Variants in RESF1 observed in about 807,000 individuals in gnomAD.
RESF1 encodes the protein gonad expressed transcript.
In RESF1, 65 loss-of-function variants were observed where a neutral mutation model predicts 134.7. The observed-to-expected ratio is 0.48, with a 90% CI of 0.40 to 0.59. The LOEUF is 0.59. Ranked by LOEUF, RESF1 falls within the 20% of genes least tolerant of loss-of-function variation. The pLI, the probability that RESF1 is intolerant of heterozygous loss-of-function variation, is 0.00. For synonymous variants in RESF1, 762 were observed against 702.2 expected, an observed-to-expected ratio of 1.09 and a Z score of -1.35; for missense variants, 2,274 against 2,002.7, an observed-to-expected ratio of 1.14 and a Z score of -2.59.
At chr12:31,964,831 C>G (rs1283549189) in intron 2 of RESF1, among the ~76,000 whole-genome samples, 1 of 152,186 alleles carries the variant, frequency 6.6e-6, no homozygotes, top group Non-Finnish European at 1.5e-5. Flanking sequence ...TTAAGATATC[C>G]TGGATTCTGA....
In RESF1 at chr12:31,985,251, C is replaced by T. The variant is rs1939938668; in HGVS notation, c.4296C>T (p.Asp1432=). Residue 1432 remains aspartate (D), a synonymous_variant, in exon 4 of 6, where the codon GAC becomes GAT. Transcript: ENST00000312561. ...TGGTATCAAATACTAAGTCTGTAGA[C>T]ACGAAAGCGAGTTCATCTAAATTTA... The part of the protein sequence containing the change: ...EKMVSNTKSV[D]TKASSSKFSR... 6.2e-7 allele frequency: 1 copy of T among 1,610,120 alleles called. No individual in the cohort carries two copies. Among genetic ancestry groups the T allele is most frequent in the South Asian group, 1.1e-5 (1 of 89,898 alleles).
intron 3 of RESF1, among the ~76,000 whole-genome samples, chr12:31,974,526 G>T (rs997559687): frequency 2.0e-5 from 3 of 151,914 alleles, no homozygotes; most frequent in African/African-American, 7.3e-5. Flanking sequence ...TCCTAACGTG[G>T]TCCTTCCTCT....
rs1041163840 is a variant in RESF1, at chr12:31,983,504, T to C, written c.2549T>C (p.Val850Ala). 6.2e-7 allele frequency: 1 copy of C among 1,614,046 alleles called. No homozygotes were observed. The highest frequency in any genetic ancestry group is 1.3e-5 in the African/African-American group (1 of 75,044). ...QNESTNGNSEVTPNVNQGKHN... is the reference protein window; with the variant it reads ...QNESTNGNSEATPNVNQGKHN... ...GAGTCAACTAATGGTAATTCAGAAG[T>C]CACACCTAATGTCAATCAAGGAAAG... Residue 850 changes from valine (V) to alanine (A), a missense_variant, in exon 4 of 6, where the codon GTC becomes GCC. By Grantham distance (64) the Val-to-Ala change is moderately conservative. Coordinates refer to ENST00000312561, the MANE Select transcript of RESF1 (RefSeq NM_018169.4).
chr12:31,967,428 C>T (rs1356795989), intron 2 of RESF1, among the ~76,000 whole-genome samples: 4 of 152,138 alleles, frequency 2.6e-5, no homozygotes, highest in Non-Finnish European at 5.9e-5. Context: ...TACAGATGTA[C>T]CTCAGCTTAC....
At chr12:31,962,229 A>AG (rs961084934) in intron 2 of RESF1, among the ~76,000 whole-genome samples, 4 of 151,956 alleles carry the variant, frequency 2.6e-5, no homozygotes, top group Non-Finnish European at 5.9e-5. Flanking sequence ...TTAAAAAAAA[A>AG]AAAAAAAAAG....
intron 3 of RESF1, among the ~76,000 whole-genome samples, chr12:31,975,214 C>CCAA: frequency 6.6e-6 from 1 of 151,800 alleles, no homozygotes. Flanking sequence ...GTGGAGGTTG[C>CCAA]AGATCGTGCC....
At chr12:31,991,898 G>A (rs1038125489) in intron 5 of RESF1, among the ~76,000 whole-genome samples, 5 of 152,168 alleles carry the variant, frequency 3.3e-5, no homozygotes, top group Non-Finnish European at 7.3e-5. Flanking sequence ...GGACACTGAA[G>A]CTAATGTAAC....
intron 2 of RESF1, among the ~76,000 whole-genome samples, chr12:31,964,346 A>G (rs1480634956): frequency 6.6e-6 from 1 of 151,568 alleles, no homozygotes; most frequent in Non-Finnish European, 1.5e-5. Flanking sequence ...CTACATGTCC[A>G]TGTGTTCTCA....
chr12:31,988,831 A>G (rs1450580984), intron 5 of RESF1, among the ~76,000 whole-genome samples: 1 of 151,906 alleles, frequency 6.6e-6, no homozygotes, highest in Admixed American at 6.6e-5. Context: ...AGCTGGGACT[A>G]CAAGCACACT....
In RESF1 at chr12:31,992,367, A is replaced by G. The variant is rs1217695228; in HGVS notation, c.5087-11A>G. ...GAGAAATAAAGTAAGTAAAGTTTTT[A>G]TTTCCCTTAGATAATGTTAATTCAA... On this transcript the variant is annotated splice_polypyrimidine_tract_variant and intron_variant, in intron 5 of 5. Transcript: ENST00000312561. The G allele has an allele frequency of 8.8e-6, 14 of 1,595,548 alleles. No homozygotes were observed. Among genetic ancestry groups the G allele is most frequent in the East Asian group, 2.2e-5 (1 of 44,734 alleles).
intron 2 of RESF1, among the ~76,000 whole-genome samples, chr12:31,967,081 G>T (rs998505275): frequency 2.0e-5 from 3 of 152,174 alleles, no homozygotes; most frequent in African/African-American, 7.2e-5. Flanking sequence ...GGTTTCAATT[G>T]TGCATAGGAC....
rs771222097 is a variant in RESF1, at chr12:31,981,509, G to A, written c.554G>A (p.Gly185Glu). The A allele has an allele frequency of 1.2e-6, 2 of 1,613,818 alleles. No individual in the cohort carries two copies. The highest frequency in any genetic ancestry group is 2.7e-5 in the African/African-American group (2 of 74,890). The part of the protein sequence containing the change: ...RLPVAYQGNQ[G>E]LNQSFSEQQV... Reference sequence around the variant, plus strand: ...CCTGTAGCTTACCAAGGAAATCAGGGACTTAACCAGTCTTTTTCAGAGCAA... The same window carrying A: ...CCTGTAGCTTACCAAGGAAATCAGGAACTTAACCAGTCTTTTTCAGAGCAA... The change falls in exon 4 of 6, where the codon GGA becomes GAA. Residue 185 changes from glycine (G) to glutamate (E), a missense_variant. Transcript: ENST00000312561.
intron 2 of RESF1, 140 bp downstream of exon 2, chr12:31,961,011 A>G (rs1422568624): frequency 6.6e-6 from 1 of 152,254 alleles, no homozygotes; most frequent in Non-Finnish European, 1.5e-5. Context: ...ACTGTGGGTC[A>G]CAATGGAATT....
rs758556389 is a variant in RESF1, at chr12:31,985,239, T to G, written c.4284T>G (p.Thr1428=). The stretch of plus-strand genomic sequence containing the variant: ...TTAAAGAAAAGATGGTATCAAATAC[T>G]AAGTCTGTAGACACGAAAGCGAGTT... ...AIVKEKMVSN[T]KSVDTKASSS... is the part of the protein sequence containing the mutation. The change falls in exon 4 of 6, where the codon ACT becomes ACG. Residue 1428 remains threonine (T), a synonymous_variant. Transcript: ENST00000312561. 1.2e-6 allele frequency: 2 copies of G among 1,601,920 alleles called. No individual in the cohort carries two copies. Among genetic ancestry groups the G allele is most frequent in the Non-Finnish European group, 1.7e-6 (2 of 1,177,250 alleles).
At chr12:31,970,755 C>G (rs1362205136) in intron 3 of RESF1, among the ~76,000 whole-genome samples, 1 of 152,178 alleles carries the variant, frequency 6.6e-6, no homozygotes, top group Non-Finnish European at 1.5e-5. Flanking sequence ...TGCAAGTTTT[C>G]TTGCACTTAG....
At chr12:31,965,743 T>C (rs188250590) in intron 2 of RESF1, among the ~76,000 whole-genome samples, 9 of 152,176 alleles carry the variant, frequency 5.9e-5, no homozygotes, top group Non-Finnish European at 1.0e-4. Flanking sequence ...ATACAAAAAT[T>C]AGCTGGGCGT....
intron 5 of RESF1, among the ~76,000 whole-genome samples, chr12:31,989,056 A>G (rs1030911269): frequency 1.3e-5 from 2 of 152,026 alleles, no homozygotes; most frequent in East Asian, 1.9e-4. Context: ...TTTGAAAACT[A>G]AAAGCTAGAG....
In RESF1 at chr12:31,981,359, C is replaced by T. The variant is rs766840431; in HGVS notation, c.404C>T (p.Thr135Ile). Residue 135 changes from threonine to isoleucine, a missense_variant, in exon 4 of 6, where the codon ACT becomes ATT. Coordinates refer to ENST00000312561, the MANE Select transcript of RESF1 (RefSeq NM_018169.4). ...CCTGTGCATTCTCATATAGGGGCAA[C>T]TGTATCTCATCAAACTGATTTTGGA... The part of the protein sequence containing the change: ...RNPVHSHIGA[T>I]VSHQTDFGAN... The T allele has an allele frequency of 3.1e-6, 5 of 1,614,142 alleles. No homozygotes were observed. The highest frequency in any genetic ancestry group is 4.2e-6 in the Non-Finnish European group (5 of 1,180,024).
At chr12:31,967,272 T>G (rs1474571435) in intron 2 of RESF1, among the ~76,000 whole-genome samples, 1 of 152,202 alleles carries the variant, frequency 6.6e-6, no homozygotes, top group East Asian at 1.9e-4. Context: ...AGAGAACTGT[T>G]CTGCCCCTTC....
Sources: allele counts gnomAD v4.1 joint callset (sites outside exome capture counted in the v4.1 genomes callset), GRCh38; gene constraint gnomAD v4.1.1; transcripts MANE v1.5; gene names NCBI Gene and HGNC (gene_info 2026-07-23, HGNC 2026-07-21).